FGF13: variants seen among roughly 807,000 people sequenced by gnomAD.
FGF13 encodes fibroblast growth factor homologous factor 2.
In FGF13, 2 loss-of-function variants were observed where a neutral mutation model predicts 19.5. That is an observed-to-expected ratio of 0.10 (90% confidence interval 0.04 to 0.32). The LOEUF (loss-of-function observed/expected upper bound fraction) is 0.32, where lower values mean the gene tolerates loss of function less well. Among genes scored for constraint, FGF13 ranks in the 10% least tolerant of loss-of-function variants. FGF13 has a pLI of 1.00. For missense variants in FGF13, 113 were observed against 192.7 expected (o/e 0.59, Z 2.45); for synonymous variants, 72 against 76.9 (o/e 0.94, Z 0.33).
intron 1 of FGF13, among the ~76,000 whole-genome samples, chrX:138,882,702 TGTTTA>T (rs1222593928): frequency 8.9e-5 from 10 of 112,003 alleles, no homozygotes; most frequent in Non-Finnish European, 1.9e-4. Context: ...GAAGTTAACC[TGTTTA>T]GTGCAGTAGA....
chrX:138,799,558 T>C (rs755245655), intron 3 of FGF13, among the ~76,000 whole-genome samples: 1 of 111,566 alleles, frequency 9.0e-6, no homozygotes, highest in South Asian at 3.8e-4. Flanking sequence ...TGGAGAGTTC[T>C]GTTGATGTCT....
chrX:138,947,666 C>T (rs1268694288), intron 1 of FGF13, among the ~76,000 whole-genome samples: 1 of 111,138 alleles, frequency 9.0e-6, no homozygotes, highest in East Asian at 2.8e-4. Flanking sequence ...GAGCCCAAGA[C>T]CAAATAACAA....
At chrX:138,749,322 T>TACACACACACACACAC (rs34038080) in intron 3 of FGF13, among the ~76,000 whole-genome samples, 5 of 81,699 alleles carry the variant, frequency 6.1e-5, no homozygotes, top group African/African-American at 1.9e-4. Context: ...GAGACCAAAA[T>TACACACACACACACAC]ACACACACAC....
intron 3 of FGF13, among the ~76,000 whole-genome samples, chrX:138,841,326 C>A (rs1296322210): frequency 9.0e-6 from 1 of 110,962 alleles, no homozygotes. Flanking sequence ...AACCTCCCCT[C>A]AAGCTCAACC....
At chrX:139,146,937 C>T (rs945017496) in intron 1 of FGF13, among the ~76,000 whole-genome samples, 9 of 91,184 alleles carry the variant, frequency 9.9e-5, no homozygotes, top group African/African-American at 3.3e-4. Flanking sequence ...CTTGGACACA[C>T]GGTGGGGAAC....
At chrX:138,865,707 T>G (rs960565747) in intron 1 of FGF13, among the ~76,000 whole-genome samples, 2 of 111,395 alleles carry the variant, frequency 1.8e-5, no homozygotes, top group African/African-American at 3.3e-5. Flanking sequence ...TCTATAGCAT[T>G]AATCCAACCC....
At chrX:138,646,601 C>T (rs746573557) in intron 3 of FGF13, among the ~76,000 whole-genome samples, 56 of 111,683 alleles carry the variant, frequency 5.0e-4, no homozygotes, top group Non-Finnish European at 1.0e-3. Context: ...TAGATCATGG[C>T]ATGAAAAGTT....
At chrX:139,012,766 CTCT>C (rs2092134946) in intron 1 of FGF13, among the ~76,000 whole-genome samples, 1 of 111,886 alleles carries the variant, frequency 8.9e-6, no homozygotes, top group African/African-American at 3.3e-5. Flanking sequence ...ATTGAAAAAA[CTCT>C]TCTAGACATT....
intron 1 of FGF13, among the ~76,000 whole-genome samples, chrX:138,924,220 C>T (rs766303038): frequency 1.8e-5 from 2 of 111,818 alleles, no homozygotes; most frequent in East Asian, 2.8e-4. Context: ...TTCAGGCATG[C>T]CAGGATCTTA....
At chrX:138,678,218 G>C (rs1277169154) in intron 3 of FGF13, among the ~76,000 whole-genome samples, 1 of 110,472 alleles carries the variant, frequency 9.1e-6, no homozygotes. Flanking sequence ...GGACTGTTGT[G>C]GGGTGGGGAG....
intron 1 of FGF13, among the ~76,000 whole-genome samples, chrX:139,175,808 T>C (rs1225350979): frequency 8.9e-6 from 1 of 112,302 alleles, no homozygotes; most frequent in African/African-American, 3.2e-5. Context: ...TTACTAGTAT[T>C]TTATTGAGGA....
At chrX:139,077,731 T>C (rs1210685832) in intron 1 of FGF13, among the ~76,000 whole-genome samples, 1 of 112,129 alleles carries the variant, frequency 8.9e-6, no homozygotes, top group African/African-American at 3.2e-5. Context: ...TGCAGAAGCC[T>C]GATTGCCACA....
intron 3 of FGF13, among the ~76,000 whole-genome samples, chrX:138,783,180 C>G (rs1283181366): frequency 3.5e-5 from 3 of 84,878 alleles, no homozygotes; most frequent in Non-Finnish European, 6.6e-5. Flanking sequence ...GGATTAAAGA[C>G]TTAAACGTTA....
intron 1 of FGF13, among the ~76,000 whole-genome samples, chrX:139,010,452 T>C (rs1259724438): frequency 9.0e-6 from 1 of 111,601 alleles, no homozygotes; most frequent in Non-Finnish European, 1.9e-5. Flanking sequence ...ATATCAAGTA[T>C]TCTCTCAGAC....
intron 1 of FGF13, among the ~76,000 whole-genome samples, chrX:138,917,318 G>C (rs765954463): frequency 9.0e-6 from 1 of 111,434 alleles, no homozygotes; most frequent in Non-Finnish European, 1.9e-5. Flanking sequence ...TATAATTACT[G>C]TTCTCACAAG....
chrX:138,855,984 G>A (rs2091255260), downstream of FGF13, among the ~76,000 whole-genome samples: 1 of 109,498 alleles, frequency 9.1e-6, no homozygotes, highest in African/African-American at 3.4e-5. Context: ...GTGTGTGTGT[G>A]TGTGTGTGTT....
chrX:138,772,875 G>A (rs998693725), intron 3 of FGF13, among the ~76,000 whole-genome samples: 1 of 110,122 alleles, frequency 9.1e-6, no homozygotes, highest in African/African-American at 3.3e-5. Flanking sequence ...ATAGCAATCT[G>A]GACAAGTATC....
chrX:138,875,556 T>C (rs1013253771), intron 1 of FGF13, among the ~76,000 whole-genome samples: 11 of 112,264 alleles, frequency 9.8e-5, no homozygotes, highest in African/African-American at 3.2e-4. Flanking sequence ...GGTGCCCAGA[T>C]AGTTGGTCAA....
chrX:138,954,095 C>CAAGAGAGAGAGA (rs374374818), intron 1 of FGF13, among the ~76,000 whole-genome samples: 1 of 94,170 alleles, frequency 1.1e-5, no homozygotes, highest in Non-Finnish European at 2.1e-5. Context: ...GTAAATTTAA[C>CAAGAGAGAGAGA]GAGAGAGAGA....
Sources: allele counts gnomAD v4.1 joint callset (sites outside exome capture counted in the v4.1 genomes callset), GRCh38; gene constraint gnomAD v4.1.1; transcripts MANE v1.5; gene names NCBI Gene and HGNC (gene_info 2026-07-23, HGNC 2026-07-21).